Variants in IQSEC1 observed in about 807,000 individuals in gnomAD.
IQSEC1 encodes the protein IQ motif and SEC7 domain-containing protein 1.
A neutral mutation model predicts 91.0 loss-of-function variants in IQSEC1; 31 were observed. The observed-to-expected ratio is 0.34, with a 90% CI of 0.26 to 0.46. The LOEUF is 0.46. IQSEC1 is among the 20% of genes least tolerant of loss of function. The probability of loss-of-function intolerance (pLI) is 1.00; values close to 1 mark genes in which losing one functional copy is unlikely to be tolerated. For synonymous variants in IQSEC1, 699 were observed against 662.6 expected, an observed-to-expected ratio of 1.05 and a Z score of -0.84; for missense variants, 1,388 against 1,575.6, an observed-to-expected ratio of 0.88 and a Z score of 2.02.
At chr3:13,200,053 C>T (rs1283265112) in intron 1 of IQSEC1, among the ~76,000 whole-genome samples, 1 of 137,952 alleles carries the variant, frequency 7.2e-6, no homozygotes, top group Non-Finnish European at 1.6e-5. Flanking sequence ...TACACACGCA[C>T]ACACACCACA....
In IQSEC1 at chr3:12,947,410, C is replaced by T. The variant is rs144598803; in HGVS notation, c.24-5545G>A. On this transcript the variant is annotated intron_variant, in intron 1 of 13. Transcript: ENST00000613206. The stretch of plus-strand genomic sequence containing the variant: ...CTGTCTGAGTCTGCCATCTTTACAC[C>T]GAGGTCTCAGCTTAACCCCACTTCC... Among the ~76,000 whole-genome samples, 47 of 152,074 alleles carry T rather than the reference C, an allele frequency of 3.1e-4. No homozygotes were observed. The East Asian group carries it at 8.7e-3, about 28-fold the overall frequency.
At chr3:13,163,482 C>T (rs749983919) in intron 2 of IQSEC1, among the ~76,000 whole-genome samples, 2 of 151,482 alleles carry the variant, frequency 1.3e-5, no homozygotes, top group Non-Finnish European at 2.9e-5. Context: ...CCAGCTCATG[C>T]CTTGAGAACT....
intron 1 of IQSEC1, among the ~76,000 whole-genome samples, chr3:13,189,369 G>A (rs922661659): frequency 1.3e-5 from 2 of 151,732 alleles, no homozygotes; most frequent in African/African-American, 4.8e-5. Flanking sequence ...CCCAGCTGAC[G>A]GTTGAGGTCC....
intron 1 of IQSEC1, among the ~76,000 whole-genome samples, chr3:13,269,759 A>G (rs1238790142): frequency 6.6e-6 from 1 of 152,236 alleles, no homozygotes; most frequent in Non-Finnish European, 1.5e-5. Flanking sequence ...CTTGACAGGG[A>G]GAAGTGACAG....
intron 12 of IQSEC1, among the ~76,000 whole-genome samples, chr3:12,906,550 T>G (rs1315145741): frequency 6.6e-6 from 1 of 152,226 alleles, no homozygotes; most frequent in East Asian, 1.9e-4. Flanking sequence ...TGTTCCTCCT[T>G]TTGTTTCAAT....
chr3:13,098,384 G>T (rs1360945855), intron 2 of IQSEC1, among the ~76,000 whole-genome samples: 3 of 152,234 alleles, frequency 2.0e-5, no homozygotes, highest in Non-Finnish European at 2.9e-5. Context: ...GCCATCTTAA[G>T]TGGGTTTTGA....
intron 1 of IQSEC1, among the ~76,000 whole-genome samples, chr3:13,227,966 A>T (rs1452470252): frequency 2.0e-5 from 3 of 152,188 alleles, no homozygotes; most frequent in Non-Finnish European, 4.4e-5. Context: ...CATCCCCAGC[A>T]GCCTGGCCTC....
intron 5 of IQSEC1, 124 bp from the exon 6 acceptor site, chr3:12,920,720 A>T (rs1575909731): frequency 9.8e-7 from 1 of 1,022,524 alleles, no homozygotes; most frequent in Admixed American, 2.1e-5. Context: ...CGAGGATCAC[A>T]CCTGCCTGTC....
At chr3:13,069,632 T>C (rs1331149496) in intron 1 of IQSEC1, among the ~76,000 whole-genome samples, 1 of 152,178 alleles carries the variant, frequency 6.6e-6, no homozygotes, top group Non-Finnish European at 1.5e-5. Context: ...TGAACAGGCA[T>C]GGGTAGGCGA....
At chr3:13,054,236 C>A (rs1332590806) in intron 1 of IQSEC1, among the ~76,000 whole-genome samples, 1 of 152,212 alleles carries the variant, frequency 6.6e-6, no homozygotes, top group Admixed American at 6.5e-5. Context: ...CCCGGCATGG[C>A]TGGGGCACAG....
chr3:13,223,690 G>A (rs1238976399), intron 1 of IQSEC1, among the ~76,000 whole-genome samples: 1 of 152,342 alleles, frequency 6.6e-6, no homozygotes, highest in African/African-American at 2.4e-5. Flanking sequence ...GGACATGCAG[G>A]GACCGCGGCG....
chr3:13,223,421 C>A (rs1472531364), intron 1 of IQSEC1, among the ~76,000 whole-genome samples: 2 of 152,232 alleles, frequency 1.3e-5, no homozygotes, highest in African/African-American at 4.8e-5. Flanking sequence ...GCCTCCACCC[C>A]TGGGGAGTGG....
At chr3:13,249,424 G>A (rs956339674) in intron 1 of IQSEC1, among the ~76,000 whole-genome samples, 55 of 151,978 alleles carry the variant, frequency 3.6e-4, no homozygotes, top group African/African-American at 1.3e-3. Context: ...TACCTGCCTC[G>A]GCCTCCCAAA....
intron 3 of IQSEC1, among the ~76,000 whole-genome samples, chr3:12,933,626 G>C (rs947700931): frequency 1.3e-5 from 2 of 152,164 alleles, no homozygotes; most frequent in Admixed American, 1.3e-4. Flanking sequence ...TGGGACGGGG[G>C]GTTATGCTGC....
chr3:13,030,083 C>T (rs1279153214), intron 1 of IQSEC1, among the ~76,000 whole-genome samples: 1 of 152,308 alleles, frequency 6.6e-6, no homozygotes, highest in Non-Finnish European at 1.5e-5. Context: ...GGATTACAGG[C>T]GTGAGCCATC....
chr3:12,914,212 C>A (rs1298925127), intron 8 of IQSEC1, among the ~76,000 whole-genome samples: 1 of 152,252 alleles, frequency 6.6e-6, no homozygotes, highest in African/African-American at 2.4e-5. Flanking sequence ...CTGAACATGC[C>A]CCTGACAGCT....
intron 2 of IQSEC1, among the ~76,000 whole-genome samples, chr3:13,123,206 G>A (rs182245857): frequency 3.7e-4 from 57 of 152,380 alleles, no homozygotes; most frequent in African/African-American, 1.3e-3. Context: ...GGCCTTTGAA[G>A]GTTATTACCA....
intron 1 of IQSEC1, among the ~76,000 whole-genome samples, chr3:13,044,867 C>G (rs772869373): frequency 1.3e-5 from 2 of 152,408 alleles, no homozygotes; most frequent in Admixed American, 6.5e-5. Context: ...TTGCCCCCAG[C>G]AGCAGAGCTG....
At chr3:13,281,323 G>A (rs944963736) in intron 1 of IQSEC1, among the ~76,000 whole-genome samples, 2 of 152,144 alleles carry the variant, frequency 1.3e-5, no homozygotes, top group Non-Finnish European at 2.9e-5. Context: ...GGAGGGCCAG[G>A]AGTGGGGCCC....
Sources: allele counts gnomAD v4.1 joint callset (sites outside exome capture counted in the v4.1 genomes callset), GRCh38; gene constraint gnomAD v4.1.1; transcripts MANE v1.5; gene names NCBI Gene and HGNC (gene_info 2026-07-23, HGNC 2026-07-21).